The following CNNM2 variants were observed in gnomAD, a reference collection of about 807,000 sequenced individuals.
CNNM2 encodes the protein cyclin and CBS domain divalent metal cation transport mediator 2.
A neutral mutation model predicts 66.9 loss-of-function variants in CNNM2; 12 were observed. The ratio of observed to expected loss-of-function variants is 0.18; its 90% CI spans 0.11 to 0.29. The LOEUF (loss-of-function observed/expected upper bound fraction) is 0.29, where lower values mean the gene tolerates loss of function less well. Among genes scored for constraint, CNNM2 ranks in the 10% least tolerant of loss-of-function variants. The pLI is 1.00. For synonymous variants in CNNM2, 557 were observed against 501.8 expected (o/e 1.11, Z -1.47); for missense variants, 705 against 1,167.7 (o/e 0.60, Z 5.77).
rs978450227 is a variant in CNNM2 at position 103,077,175 on chromosome 10, A to T, written c.2623A>T (p.Ile875Phe). Residue 875 changes from isoleucine to phenylalanine, a missense_variant, in exon 8 of 8, where the codon ATC (isoleucine) becomes TTC (phenylalanine). By Grantham distance (21) the Ile-to-Phe change is conservative. Coordinates refer to ENST00000369878, the MANE Select transcript of CNNM2 (RefSeq NM_017649.5). ...ANHSLHNEGAI is the reference protein window; with the variant it reads ...ANHSLHNEGAF Reference sequence around the variant, plus strand: ...CCACAGCCTGCACAACGAAGGCGCCATCTAGGCCGCGCTGGCTGCACCCGC... The same window carrying T: ...CCACAGCCTGCACAACGAAGGCGCCTTCTAGGCCGCGCTGGCTGCACCCGC... 6.2e-7 allele frequency: 1 copy of T among 1,612,334 alleles called. No individual in the cohort carries two copies. Among genetic ancestry groups the T allele is most frequent in the Non-Finnish European group, 8.5e-7 (1 of 1,179,812 alleles).
intron 1 of CNNM2, among the ~76,000 whole-genome samples, chr10:103,044,584 T>A (rs1009306830): frequency 3.0e-4 from 46 of 152,260 alleles, no homozygotes; most frequent in East Asian, 7.7e-4. Flanking sequence ...CATTTTCTTT[T>A]TGATTTATCC....
At chr10:103,056,687 A>G in intron 3 of CNNM2, 108 bp from the exon 4 acceptor site, 1 of 1,054,526 alleles carries the variant, frequency 9.5e-7, no homozygotes, top group South Asian at 1.4e-5. Flanking sequence ...TTCAAATGCT[A>G]TCACTTTGAT....
intron 1 of CNNM2, among the ~76,000 whole-genome samples, chr10:103,042,248 TCTC>T (rs975165743): frequency 6.6e-6 from 1 of 152,122 alleles, no homozygotes; most frequent in African/African-American, 2.4e-5. Context: ...TGCAGGTACT[TCTC>T]ATCACCTGCA....
intron 4 of CNNM2, among the ~76,000 whole-genome samples, chr10:103,064,956 G>A (rs746866626): frequency 5.9e-5 from 9 of 152,140 alleles, no homozygotes; most frequent in African/African-American, 1.9e-4. Context: ...CTTACTGGCC[G>A]TTAGGATGGA....
chr10:103,019,822 G>A (rs1044339883), intron 1 of CNNM2, among the ~76,000 whole-genome samples: 13 of 152,182 alleles, frequency 8.5e-5, no homozygotes, highest in African/African-American at 2.4e-4. Flanking sequence ...ACTAAAAATC[G>A]TAATAAGGTT....
At chr10:102,949,840 A>C (rs142974004) in intron 1 of CNNM2, among the ~76,000 whole-genome samples, 1 of 152,124 alleles carries the variant, frequency 6.6e-6, no homozygotes, top group East Asian at 1.9e-4. Flanking sequence ...CAAATAAATC[A>C]CTACTACCTT....
intron 1 of CNNM2, among the ~76,000 whole-genome samples, chr10:102,929,373 T>A (rs146702047): frequency 6.6e-6 from 1 of 151,782 alleles, no homozygotes; most frequent in African/African-American, 2.4e-5. Context: ...AATCTAGGAG[T>A]TTGAGGCTGC....
chr10:103,077,137 A>C lies in CNNM2; in HGVS notation c.2585A>C (p.His862Pro), dbSNP rs1177609107. The C allele has an allele frequency of 1.2e-6, 2 of 1,613,748 alleles. No individual in the cohort carries two copies. The highest frequency in any genetic ancestry group is 2.2e-5 in the East Asian group (1 of 44,898). ...NLLNEQNCVT[H>P]SKANHSLHNE... is the part of the protein sequence containing the mutation. The stretch of plus-strand genomic sequence containing the variant: ...CTCAACGAACAGAACTGTGTGACGC[A>C]CAGTAAGGCCAACCACAGCCTGCAC... Residue 862 changes from histidine to proline, a missense_variant, in exon 8 of 8, where the codon CAC becomes CCC. His to Pro is a moderately conservative substitution (Grantham distance 77). Around this residue, in one of 9 missense-constraint regions of CNNM2, gnomAD observed 194 missense variants for 227.6 expected, o/e 0.85. Coordinates refer to ENST00000369878, the MANE Select transcript of CNNM2 (RefSeq NM_017649.5).
chr10:103,046,358 C>G (rs546491697), intron 1 of CNNM2, among the ~76,000 whole-genome samples: 7 of 152,150 alleles, frequency 4.6e-5, no homozygotes, highest in South Asian at 2.1e-4. Flanking sequence ...GCCTAGTGTT[C>G]CATTATTGGA....
rs11191472 is a variant in CNNM2, at chr10:102,947,259, A to T, written c.1621+27158A>T. 0.083 allele frequency among the ~76,000 whole-genome samples: 12,644 copies of T among 152,100 alleles called. 789 individuals are homozygous for T. Among genetic ancestry groups the T allele is most frequent in the East Asian group, 0.28 (1,423 of 5,158 alleles). The stretch of plus-strand genomic sequence containing the variant: ...AACCCTATAAAGGGTTCAGTTTTAT[A>T]TTTAATAGTCATGTTTCACACTGTT... On this transcript the variant is annotated intron_variant, in intron 1 of 7. Coordinates refer to ENST00000369878, the MANE Select transcript of CNNM2 (RefSeq NM_017649.5).
chr10:103,022,522 C>T (rs1346109219), intron 1 of CNNM2, among the ~76,000 whole-genome samples: 1 of 152,200 alleles, frequency 6.6e-6, no homozygotes, highest in Non-Finnish European at 1.5e-5. Flanking sequence ...TTTAGTGACA[C>T]TGTTAATAAC....
chr10:102,985,271 C>T (rs560850288), intron 1 of CNNM2, among the ~76,000 whole-genome samples: 18 of 152,138 alleles, frequency 1.2e-4, no homozygotes, highest in African/African-American at 4.3e-4. Flanking sequence ...CCTTCTCACC[C>T]TCTTGTTTCA....
At chr10:102,947,141 GT>G (rs934068885) in intron 1 of CNNM2, among the ~76,000 whole-genome samples, 1 of 152,020 alleles carries the variant, frequency 6.6e-6, no homozygotes, top group African/African-American at 2.4e-5. Context: ...CCAGTCATAT[GT>G]TTTGTAATCC....
chr10:102,949,174 T>C (rs955131796), intron 1 of CNNM2, among the ~76,000 whole-genome samples: 2 of 152,110 alleles, frequency 1.3e-5, no homozygotes, highest in African/African-American at 4.8e-5. Flanking sequence ...GTTCACTAGA[T>C]ACCATTTATT....
At chr10:102,975,078 G>A (rs2063605278) in intron 1 of CNNM2, among the ~76,000 whole-genome samples, 1 of 152,184 alleles carries the variant, frequency 6.6e-6, no homozygotes, top group African/African-American at 2.4e-5. Context: ...GCCACAGATA[G>A]AAAGACATGG....
chr10:103,081,929 G>C lies in CNNM2; in HGVS notation c.*4749G>C, dbSNP rs2065761552. On this transcript the variant is annotated 3_prime_UTR_variant, in exon 8 of 8. Coordinates refer to ENST00000369878, the MANE Select transcript of CNNM2 (RefSeq NM_017649.5). The stretch of plus-strand genomic sequence containing the variant: ...CACCACTGTGGTTGGCTCAGCTCAA[G>C]TAAGCACGTTCTCTCTGTATGCTAG... The C allele has an allele frequency of 6.6e-6, 1 of 152,234 alleles. No individual in the cohort carries two copies. Among genetic ancestry groups the C allele is most frequent in the Admixed American group, 6.5e-5 (1 of 15,282 alleles). The allele number at this position is 152,234 out of a possible 1,614,324, so 9.4% of individuals were successfully genotyped here.
chr10:102,938,155 G>A (rs1179153825), intron 1 of CNNM2, among the ~76,000 whole-genome samples: 1 of 151,394 alleles, frequency 6.6e-6, no homozygotes, highest in Non-Finnish European at 1.5e-5. Context: ...AAAAAATTAG[G>A]CCGGGTGCGG....
intron 1 of CNNM2, among the ~76,000 whole-genome samples, chr10:102,941,682 T>C (rs935712240): frequency 2.0e-5 from 3 of 152,192 alleles, no homozygotes; most frequent in African/African-American, 7.2e-5. Flanking sequence ...TACTCAGATA[T>C]CCCCGCTGTG....
At chr10:103,050,850 G>T (rs1369534849) in intron 2 of CNNM2, among the ~76,000 whole-genome samples, 1 of 152,042 alleles carries the variant, frequency 6.6e-6, no homozygotes, top group Admixed American at 6.6e-5. Flanking sequence ...ACTGAGTGTT[G>T]AACTGAGTCC....
Sources: gnomAD v4.1 joint callset for allele counts (sites outside exome capture counted in the v4.1 genomes callset) on GRCh38, gnomAD v4.1.1 for gene constraint, gnomAD v4.1.1 regional missense constraint, MANE v1.5 for transcripts, NCBI Gene and HGNC (gene_info 2026-07-23, HGNC 2026-07-21) for gene names.